SYNPR: variants seen among roughly 807,000 people sequenced by gnomAD.
The protein encoded by SYNPR is synaptoporin.
Under a neutral mutation model 32.9 loss-of-function variants are expected in SYNPR, and 23 were observed. The ratio of observed to expected loss-of-function variants is 0.70; its 90% CI spans 0.50 to 0.99. SYNPR has a LOEUF of 0.99. Ranked by LOEUF, SYNPR falls within the 50% of genes least tolerant of loss-of-function variation. SYNPR has a pLI of 0.00. For missense variants in SYNPR, 318 were observed against 349.3 expected (o/e 0.91, Z 0.71); for synonymous variants, 146 against 135.9 (o/e 1.07, Z -0.52).
chr3:63,202,036 A>T, the SYNPR span, among the ~76,000 whole-genome samples: 1 of 152,260 alleles, frequency 6.6e-6, no homozygotes, highest in Non-Finnish European at 1.5e-5. Context: ...CCAGGAGTTC[A>T]GTAAGTTTTT....
chr3:63,588,728 C>T (rs148508752), intron 4 of SYNPR, among the ~76,000 whole-genome samples: 4 of 152,212 alleles, frequency 2.6e-5, no homozygotes, highest in South Asian at 2.1e-4. Context: ...CAACAACCCT[C>T]GTTGCTTTCC....
chr3:63,369,354 TAG>T (rs1415037818), intron 2 of SYNPR, among the ~76,000 whole-genome samples: 1 of 152,088 alleles, frequency 6.6e-6, no homozygotes, highest in Admixed American at 6.5e-5. Context: ...AGCAAACTGA[TAG>T]AGTCTGCAAA....
chr3:63,335,766 C>CTTTTTTTTTTT lies in SYNPR; in HGVS notation c.84+57038_84+57048dup, dbSNP rs3082128. On this transcript the variant is annotated intron_variant, in intron 2 of 5. Transcript: ENST00000478300. ...ACACACTCAAGTCCATATTAGCTTC[C>CTTTTTTTTTTT]TTTTTTTTTTTTTTTTTTTTTTTTG... Among the ~76,000 whole-genome samples, 107 of 91,450 alleles carry CTTTTTTTTTTT rather than the reference C, an allele frequency of 1.2e-3. 7 individuals are homozygous for CTTTTTTTTTTT. Among genetic ancestry groups the CTTTTTTTTTTT allele is most frequent in the Non-Finnish European group, 1.6e-3 (76 of 47,226 alleles). 60.0% of individuals were successfully genotyped at this position (91,450 alleles called of 152,430 possible).
intron 2 of SYNPR, among the ~76,000 whole-genome samples, chr3:63,321,734 C>A (rs2087112762): frequency 6.6e-6 from 1 of 152,050 alleles, no homozygotes; most frequent in African/African-American, 2.4e-5. Context: ...AACCTCATGT[C>A]TTTGCACAGA....
intron 2 of SYNPR, among the ~76,000 whole-genome samples, chr3:63,327,863 C>G (rs1484678404): frequency 6.6e-6 from 1 of 151,994 alleles, no homozygotes; most frequent in Non-Finnish European, 1.5e-5. Flanking sequence ...TGTGTTCACC[C>G]TCTGAAAATT....
chr3:63,337,215 G>A (rs2087305963), intron 2 of SYNPR, among the ~76,000 whole-genome samples: 1 of 110,920 alleles, frequency 9.0e-6, no homozygotes, highest in South Asian at 3.3e-4. Context: ...CTGGGTGACA[G>A]AGTGAGACTC....
chr3:63,497,147 C>T (rs937544981), intron 3 of SYNPR, among the ~76,000 whole-genome samples: 1 of 152,134 alleles, frequency 6.6e-6, no homozygotes, highest in Non-Finnish European at 1.5e-5. Context: ...TTAATCTTTA[C>T]TAATGACAAA....
At chr3:63,499,292 G>A (rs2106732998) in intron 3 of SYNPR, among the ~76,000 whole-genome samples, 1 of 152,262 alleles carries the variant, frequency 6.6e-6, no homozygotes, top group South Asian at 2.1e-4. Context: ...ATGGTGGGAG[G>A]TTGGTGGGAT....
intron 2 of SYNPR, among the ~76,000 whole-genome samples, chr3:63,304,037 C>T (rs1045477164): frequency 3.3e-5 from 5 of 152,018 alleles, no homozygotes; most frequent in Non-Finnish European, 7.4e-5. Context: ...CACATGAATT[C>T]TCCTATGAGT....
intron 3 of SYNPR, among the ~76,000 whole-genome samples, chr3:63,485,514 T>C (rs142488051): frequency 6.6e-6 from 1 of 152,268 alleles, no homozygotes; most frequent in African/African-American, 2.4e-5. Flanking sequence ...TCATGGGACA[T>C]TTCAGTTGGA....
intron 3 of SYNPR, among the ~76,000 whole-genome samples, chr3:63,553,497 T>C (rs1361405875): frequency 6.6e-6 from 1 of 152,158 alleles, no homozygotes; most frequent in African/African-American, 2.4e-5. Context: ...CTGTTTTAAG[T>C]TATTTGAGAA....
intron 4 of SYNPR, among the ~76,000 whole-genome samples, chr3:63,591,349 A>AC (rs547261299): frequency 1.6e-5 from 2 of 127,794 alleles, no homozygotes; most frequent in Non-Finnish European, 1.6e-5. Context: ...ACACTTTTAC[A>AC]TGTTGGTGGG....
chr3:63,563,006 T>C (rs1702717847), intron 4 of SYNPR, among the ~76,000 whole-genome samples: 1 of 152,170 alleles, frequency 6.6e-6, no homozygotes. Flanking sequence ...GATAAATTAA[T>C]GGTATCTGAT....
intron 3 of SYNPR, among the ~76,000 whole-genome samples, chr3:63,542,083 T>A (rs1702314461): frequency 6.6e-6 from 1 of 152,106 alleles, no homozygotes; most frequent in South Asian, 2.1e-4. Flanking sequence ...GTCAACTGAA[T>A]CAATAAAAAT....
intron 4 of SYNPR, among the ~76,000 whole-genome samples, chr3:63,564,255 C>G (rs1702746288): frequency 6.7e-6 from 1 of 148,754 alleles, no homozygotes; most frequent in African/African-American, 2.5e-5. Context: ...TGCAGTGGCA[C>G]AGTCGATCTC....
chr3:63,274,845 C>G (rs567131034), upstream of SYNPR, among the ~76,000 whole-genome samples: 4 of 152,266 alleles, frequency 2.6e-5, no homozygotes, highest in South Asian at 6.2e-4. Context: ...GCCCCCACCT[C>G]GTTGTGACAA....
At chr3:63,308,349 T>C (rs1414338589) in intron 2 of SYNPR, among the ~76,000 whole-genome samples, 1 of 150,858 alleles carries the variant, frequency 6.6e-6, no homozygotes. Flanking sequence ...ATATTTTATT[T>C]TTTAACAACT....
At chr3:63,488,941 A>G (rs757662610) in intron 3 of SYNPR, among the ~76,000 whole-genome samples, 1 of 152,154 alleles carries the variant, frequency 6.6e-6, no homozygotes, top group South Asian at 2.1e-4. Flanking sequence ...TTCCCCTCTC[A>G]ATCTGTATAA....
intron 3 of SYNPR, among the ~76,000 whole-genome samples, chr3:63,529,415 G>T (rs771631464): frequency 7.2e-5 from 11 of 152,160 alleles, no homozygotes; most frequent in Non-Finnish European, 1.3e-4. Context: ...TCAATTTGTA[G>T]TTGGTTGAAT....
Sources: allele counts gnomAD v4.1 joint callset (sites outside exome capture counted in the v4.1 genomes callset), GRCh38; gene constraint gnomAD v4.1.1; transcripts MANE v1.5; gene names NCBI Gene and HGNC (gene_info 2026-07-23, HGNC 2026-07-21).